The following NEIL1 variants were observed in gnomAD, a reference collection of about 807,000 sequenced individuals.
NEIL1 encodes nei like DNA glycosylase 1.
NEIL1 carries 31 observed loss-of-function variants against 44.2 expected under a neutral mutation model. That is an observed-to-expected ratio of 0.70 (90% CI 0.53 to 0.95). The LOEUF (loss-of-function observed/expected upper bound fraction) is 0.95, where lower values mean the gene tolerates loss of function less well. Ranked by LOEUF, NEIL1 falls within the 40% of genes least tolerant of loss-of-function variation. NEIL1 has a pLI of 0.00. For synonymous variants in NEIL1, 254 were observed against 209.7 expected, an observed-to-expected ratio of 1.21 and a Z score of -1.83; for missense variants, 549 against 515.5, an observed-to-expected ratio of 1.07 and a Z score of -0.63.
rs1268220754 is a variant in NEIL1 at position 75,347,361 on chromosome 15, G to C, written c.-135G>C. Reference sequence around the variant, plus strand: ...TGCCGACCCTGTCCCACGCTAGCTGGGTGACTTCCCCCAACCGCAGAGACA... The same window carrying C: ...TGCCGACCCTGTCCCACGCTAGCTGCGTGACTTCCCCCAACCGCAGAGACA... On this transcript the variant is annotated 5_prime_UTR_variant, in exon 1 of 10. Transcript: ENST00000355059. 1 of 152,284 alleles carries C rather than the reference G, an allele frequency of 6.6e-6. No individual in the cohort carries two copies. The highest frequency in any genetic ancestry group is 1.5e-5 in the Non-Finnish European group (1 of 68,072). 9.4% of individuals were successfully genotyped at this position (152,284 alleles called of 1,614,324 possible). A position where few individuals can be genotyped will look rare whatever the true frequency, so the allele number is the denominator to read the frequency against.
Position 75,356,771 on chromosome 15 carries a change from G to T in NEIL1, c.*1737G>T. On this transcript the variant is annotated 3_prime_UTR_variant, in exon 10 of 10. Coordinates refer to ENST00000355059, the MANE Select transcript of NEIL1 (RefSeq NM_024608.4). This position sits in a 1 kb window ranked among gnomAD's most constrained non-coding sequence, Gnocchi z 5.8. ...CCCATTTCTCCATGCCAGCTCCCAG[G>T]CCTGGTGGGTACCCCACTTACAGCG... is the stretch of plus-strand genomic sequence containing the variant. The T allele has an allele frequency of 1.2e-6, 2 of 1,613,598 alleles. No homozygotes were observed. Among genetic ancestry groups the T allele is most frequent in the Non-Finnish European group, 1.7e-6 (2 of 1,179,680 alleles).
chr15:75,356,967 A>G lies in NEIL1; in HGVS notation c.*1933A>G, dbSNP rs1330407516. ...CCCTCTTTGTGCTCCCAGACTCCAG[A>G]GCTCCTGTCACTAGGCCGAGCACAA... On this transcript the variant is annotated 3_prime_UTR_variant, in exon 10 of 10. Transcript: ENST00000355059. The surrounding 1 kb of genome is among the most constrained non-coding windows in gnomAD (Gnocchi z 5.8). 3.0e-6 allele frequency: 4 copies of G among 1,330,058 alleles called. No homozygotes were observed. The African/African-American group carries it at 5.8e-5, about 19-fold the overall frequency. The allele number at this position is 1,330,058 out of a possible 1,614,324, so 82.4% of individuals were successfully genotyped here. A position where few individuals can be genotyped will look rare whatever the true frequency, so the allele number is the denominator to read the frequency against.
intron 1 of NEIL1, 173 bp from the exon 2 acceptor site, chr15:75,348,711 G>A (rs2071634440): frequency 7.0e-7 from 1 of 1,432,290 alleles, no homozygotes; most frequent in Non-Finnish European, 9.1e-7. Context: ...GGGCTTTCCA[G>A]GCACCTGTCC....
At chr15:75,348,617 A>T in intron 1 of NEIL1, 1 of 1,337,022 alleles carries the variant, frequency 7.5e-7, no homozygotes, top group Non-Finnish European at 9.6e-7. Context: ...ACTTTCGTCT[A>T]AACGCGGTGG....
At chr15:75,354,013 C>G in intron 6 of NEIL1, 147 bp downstream of exon 6, 1 of 1,184,500 alleles carries the variant, frequency 8.4e-7, no homozygotes, top group Non-Finnish European at 1.2e-6. Flanking sequence ...CCCTCCCCTC[C>G]CATGCGTCCC....
intron 1 of NEIL1, chr15:75,348,197 C>T (rs1317263286): frequency 4.3e-6 from 3 of 702,862 alleles, no homozygotes; most frequent in Admixed American, 1.2e-4. Context: ...CTCGTCCTGG[C>T]CCCTGCCCTG....
chr15:75,355,002 T>C lies in NEIL1; in HGVS notation c.1141T>C (p.Ser381Pro), dbSNP rs1381678483. The change falls in exon 10 of 10, where the codon TCC (serine) becomes CCC (proline). Residue 381 changes from serine to proline, a missense_variant. Transcript: ENST00000355059. Reference protein sequence around the residue: ...RPRKVKADIPSLEPEGTSAS With the variant: ...RPRKVKADIPPLEPEGTSAS ...CCGGAAGGTCAAGGCTGACATCCCATCCTTGGAACCAGAGGGGACCTCAGC... is the reference window on the plus strand; with the variant it reads ...CCGGAAGGTCAAGGCTGACATCCCACCCTTGGAACCAGAGGGGACCTCAGC... 6.2e-7 allele frequency: 1 copy of C among 1,614,034 alleles called. No homozygotes were observed.
chr15:75,350,883 C>T (rs111523849), intron 2 of NEIL1, among the ~76,000 whole-genome samples: 6 of 152,310 alleles, frequency 3.9e-5, no homozygotes, highest in African/African-American at 1.2e-4. Flanking sequence ...TCCCAGGCTA[C>T]CCTTGTACCT....
At position 75,356,488 on chromosome 15, in the gene NEIL1, G is replaced by T; in HGVS notation, c.*1454G>T. 1 of 1,573,452 alleles carries T rather than the reference G, an allele frequency of 6.4e-7. No individual in the cohort carries two copies. The highest frequency in any genetic ancestry group is 2.3e-5 in the East Asian group (1 of 43,960). On this transcript the variant is annotated 3_prime_UTR_variant, in exon 10 of 10. Coordinates refer to ENST00000355059, the MANE Select transcript of NEIL1 (RefSeq NM_024608.4). This position sits in a 1 kb window ranked among gnomAD's most constrained non-coding sequence, Gnocchi z 5.8. ...AGGAAACAATGCTGGTGGAGAATGG[G>T]GGCTACCCTCCCCTGTCCCTAGAAG...
At chr15:75,349,555 C>T (rs1300744965) in intron 2 of NEIL1, 1 of 577,976 alleles carries the variant, frequency 1.7e-6, no homozygotes, top group Non-Finnish European at 3.0e-6. Context: ...TGGCTCAAGT[C>T]TGTAAATCCC....
rs764740460 is a variant in NEIL1 at position 75,356,843 on chromosome 15, G to A, written c.*1809G>A. On this transcript the variant is annotated 3_prime_UTR_variant, in exon 10 of 10. Transcript: ENST00000355059. The surrounding 1 kb of genome is among the most constrained non-coding windows in gnomAD (Gnocchi z 5.8). ...GCACTGACGCGCCATACTTGCAGTC[G>A]TTGAGCAGGGCCAGCCCAAAGCCGT... 4.3e-6 allele frequency: 7 copies of A among 1,614,124 alleles called. No individual in the cohort carries two copies. Among genetic ancestry groups the A allele is most frequent in the East Asian group, 2.2e-5 (1 of 44,882 alleles).
At chr15:75,353,403 T>C in intron 5 of NEIL1, 1 of 341,260 alleles carries the variant, frequency 2.9e-6, no homozygotes, top group Non-Finnish European at 5.8e-6. Context: ...TAAAAATTTT[T>C]TTTGTAGAGA....
rs1283339232 is a variant in NEIL1, at chr15:75,349,689, C to CTT, written c.434+351_434+352insTT. 9.5e-5 allele frequency: 23 copies of CTT among 241,632 alleles called. No individual in the cohort carries two copies. In the East Asian group the frequency reaches 2.2e-3, roughly 23 times the overall value. The allele number at this position is 241,632 out of a possible 1,614,324, so 15.0% of individuals were successfully genotyped here. ...ATTAGCCGGGCATGGTGGCACATGCCTGTAACCCCAGCTACTTGGGAGGCT... is the reference window on the plus strand; with the variant it reads ...ATTAGCCGGGCATGGTGGCACATGCCTTTGTAACCCCAGCTACTTGGGAGGCT... On this transcript the variant is annotated intron_variant, in intron 2 of 9. Coordinates refer to ENST00000355059, the MANE Select transcript of NEIL1 (RefSeq NM_024608.4).
intron 1 of NEIL1, chr15:75,347,776 G>C: frequency 2.7e-6 from 3 of 1,110,816 alleles, no homozygotes; most frequent in Non-Finnish European, 3.4e-6. Flanking sequence ...CCGAGGACAG[G>C]GTCGCAGCGG....
Position 75,356,549 on chromosome 15 carries a change from G to T in NEIL1, c.*1515G>T. ...CCAGGTTGCTGGGGTTTGGGCTCAG[G>T]GAAGGGCAGAGAGGTGTCTAGGGCT... On this transcript the variant is annotated 3_prime_UTR_variant, in exon 10 of 10. Coordinates refer to ENST00000355059, the MANE Select transcript of NEIL1 (RefSeq NM_024608.4). The surrounding 1 kb of genome is among the most constrained non-coding windows in gnomAD (Gnocchi z 5.8). 6.4e-7 allele frequency: 1 copy of T among 1,550,494 alleles called. No individual in the cohort carries two copies. The highest frequency in any genetic ancestry group is 1.2e-5 in the South Asian group (1 of 84,600).
In NEIL1 at chr15:75,356,395, A is replaced by G. The variant is rs576044637; in HGVS notation, c.*1361A>G. ...TGGGCTGGGGGCTGGCAGAGCCAAC[A>G]GGGGGAAGTTTAGGCTGTAGGCAGC... is the stretch of plus-strand genomic sequence containing the variant. On this transcript the variant is annotated 3_prime_UTR_variant, in exon 10 of 10. Coordinates refer to ENST00000355059, the MANE Select transcript of NEIL1 (RefSeq NM_024608.4). The surrounding 1 kb of genome is among the most constrained non-coding windows in gnomAD (Gnocchi z 5.8). The G allele has an allele frequency of 6.2e-6, 10 of 1,610,650 alleles. No individual in the cohort carries two copies. The South Asian group carries it at 1.0e-4, about 16-fold the overall frequency.
chr15:75,356,082 C>A lies in NEIL1; in HGVS notation c.*1048C>A. 6.2e-7 allele frequency: 1 copy of A among 1,613,540 alleles called. No individual in the cohort carries two copies. The highest frequency in any genetic ancestry group is 8.5e-7 in the Non-Finnish European group (1 of 1,179,794). ...GGCTCTGCGAGGGCGAGACTCGACCCCCGCCCCAATCCCACACCGCCACTC... is the reference window on the plus strand; with the variant it reads ...GGCTCTGCGAGGGCGAGACTCGACCACCGCCCCAATCCCACACCGCCACTC... On this transcript the variant is annotated 3_prime_UTR_variant, in exon 10 of 10. Transcript: ENST00000355059. This position sits in a 1 kb window ranked among gnomAD's most constrained non-coding sequence, Gnocchi z 5.8.
At chr15:75,353,718 G>C in intron 5 of NEIL1, 21 bp from the exon 6 acceptor site, 3 of 1,613,818 alleles carry the variant, frequency 1.9e-6, no homozygotes, top group Non-Finnish European at 2.5e-6. Flanking sequence ...TCTGATCTCT[G>C]CCTGTTCCTC....
intron 1 of NEIL1, chr15:75,348,068 C>T: frequency 9.4e-7 from 1 of 1,059,252 alleles, no homozygotes. Flanking sequence ...CAGGCGCTGC[C>T]GCGGGCCCTT....
Sources: gnomAD v4.1 joint callset for allele counts (sites outside exome capture counted in the v4.1 genomes callset) on GRCh38, gnomAD v4.1.1 for gene constraint, Gnocchi (gnomAD v3.1) non-coding constraint, MANE v1.5 for transcripts, NCBI Gene and HGNC (gene_info 2026-07-23, HGNC 2026-07-21) for gene names.